Variants in ATP8B4 observed in about 807,000 individuals in gnomAD.
ATP8B4 encodes the protein probable phospholipid-transporting ATPase IM.
Under a neutral mutation model 145.6 loss-of-function variants are expected in ATP8B4, and 133 were observed. The observed-to-expected ratio is 0.91, with a 90% CI of 0.79 to 1.05. The LOEUF (loss-of-function observed/expected upper bound fraction) is 1.05, where lower values mean the gene tolerates loss of function less well. ATP8B4 is among the 50% of genes least tolerant of loss of function. ATP8B4 has a pLI of 0.00. For synonymous variants in ATP8B4, 507 were observed against 492.9 expected, an observed-to-expected ratio of 1.03 and a Z score of -0.38; for missense variants, 1,458 against 1,425.2, an observed-to-expected ratio of 1.02 and a Z score of -0.37.
chr15:50,047,826 T>C (rs1007400135), intron 3 of ATP8B4, among the ~76,000 whole-genome samples: 5 of 152,102 alleles, frequency 3.3e-5, no homozygotes, highest in African/African-American at 1.2e-4. Flanking sequence ...TCAGAAATCA[T>C]CTGGTCCACC....
At chr15:50,062,531 T>C (rs1183945579) in intron 3 of ATP8B4, among the ~76,000 whole-genome samples, 1 of 151,998 alleles carries the variant, frequency 6.6e-6, no homozygotes, top group Non-Finnish European at 1.5e-5. Flanking sequence ...CAAGACAACA[T>C]GGCTGATAAA....
At chr15:49,931,911 C>G (rs2041293278) in intron 15 of ATP8B4, among the ~76,000 whole-genome samples, 1 of 151,464 alleles carries the variant, frequency 6.6e-6, no homozygotes, top group Non-Finnish European at 1.5e-5. Context: ...TACTTGTTAC[C>G]TGATATTATG....
intron 1 of ATP8B4, among the ~76,000 whole-genome samples, chr15:50,109,998 GCTA>G (rs1567379694): frequency 6.6e-6 from 1 of 152,086 alleles, no homozygotes; most frequent in Non-Finnish European, 1.5e-5. Flanking sequence ...CAGCTATGTT[GCTA>G]CTGTTAATTT....
At chr15:50,112,476 C>T (rs1163760254) in intron 1 of ATP8B4, among the ~76,000 whole-genome samples, 2 of 152,102 alleles carry the variant, frequency 1.3e-5, no homozygotes, top group African/African-American at 2.4e-5. Flanking sequence ...CAAGCCCAGA[C>T]TCAATATCTA....
At chr15:49,896,688 T>C (rs775297776) in intron 23 of ATP8B4, 4 of 152,238 alleles carry the variant, frequency 2.6e-5, no homozygotes, top group Admixed American at 2.0e-4. Context: ...AGTTGATTCA[T>C]TGGGTCAAAA....
intron 1 of ATP8B4, among the ~76,000 whole-genome samples, chr15:50,152,034 T>A (rs1457951056): frequency 6.6e-6 from 1 of 152,142 alleles, no homozygotes; most frequent in Non-Finnish European, 1.5e-5. Context: ...TATAATATCA[T>A]GTAATTAATT....
At chr15:49,901,373 A>T in intron 20 of ATP8B4, 134 bp from the exon 21 acceptor site, 1 of 923,278 alleles carries the variant, frequency 1.1e-6, no homozygotes, top group Non-Finnish European at 1.6e-6. Context: ...ACCCAGTTTC[A>T]GTAAGCAAGC....
intron 1 of ATP8B4, among the ~76,000 whole-genome samples, chr15:50,128,753 C>T (rs1024700284): frequency 6.6e-6 from 1 of 152,176 alleles, no homozygotes; most frequent in East Asian, 1.9e-4. Flanking sequence ...TGAAAAAGGA[C>T]AGATCCTTTG....
At chr15:50,126,177 A>G (rs919277834) in intron 1 of ATP8B4, among the ~76,000 whole-genome samples, 3 of 148,626 alleles carry the variant, frequency 2.0e-5, no homozygotes, top group Non-Finnish European at 4.4e-5. Context: ...AGTGAAGCTG[A>G]GTCCTGAAAG....
chr15:50,075,171 T>C (rs923809566), intron 2 of ATP8B4, among the ~76,000 whole-genome samples: 4 of 151,504 alleles, frequency 2.6e-5, no homozygotes, highest in African/African-American at 9.7e-5. Context: ...GACTGGATGG[T>C]GGAAAGTAAC....
At chr15:50,165,973 ACAC>A (rs2044592246) in intron 1 of ATP8B4, among the ~76,000 whole-genome samples, 6 of 50,172 alleles carry the variant, frequency 1.2e-4, no homozygotes, top group African/African-American at 6.4e-4. Flanking sequence ...CCCAGAGAAC[ACAC>A]ACACACACAC....
At chr15:50,019,105 T>A (rs773674407) in intron 6 of ATP8B4, 5 of 491,980 alleles carry the variant, frequency 1.0e-5, no homozygotes, top group Non-Finnish European at 1.5e-5. Context: ...AGGATGACTT[T>A]TTAGGAACAA....
chr15:50,085,252 T>C (rs1313096047), intron 2 of ATP8B4, among the ~76,000 whole-genome samples: 1 of 152,158 alleles, frequency 6.6e-6, no homozygotes, highest in African/African-American at 2.4e-5. Context: ...TAGAAATGTG[T>C]TTGCATAGTC....
At chr15:50,123,415 G>A (rs761099632), upstream of ATP8B4, among the ~76,000 whole-genome samples, 1 of 152,106 alleles carries the variant, frequency 6.6e-6, no homozygotes, top group South Asian at 2.1e-4. Context: ...AAAAATTATG[G>A]CTTAGGAGTC....
chr15:49,910,079 G>A (rs1319216421), intron 20 of ATP8B4, among the ~76,000 whole-genome samples: 1 of 151,666 alleles, frequency 6.6e-6, no homozygotes, highest in Non-Finnish European at 1.5e-5. Flanking sequence ...AGAGAACAAA[G>A]ATAAACAATA....
At chr15:49,983,452 C>T (rs2046326820) in intron 10 of ATP8B4, among the ~76,000 whole-genome samples, 2 of 152,138 alleles carry the variant, frequency 1.3e-5, no homozygotes, top group South Asian at 4.1e-4. Context: ...ACTTTCTAAA[C>T]TTTCTAAAAG....
intron 2 of ATP8B4, among the ~76,000 whole-genome samples, chr15:50,093,145 T>A (rs2055719936): frequency 6.6e-6 from 1 of 151,884 alleles, no homozygotes. Context: ...TAAATACTTT[T>A]TCTAACTGAC....
At chr15:50,100,927 A>T (rs1229593866) in intron 2 of ATP8B4, among the ~76,000 whole-genome samples, 5 of 152,164 alleles carry the variant, frequency 3.3e-5, no homozygotes, top group Non-Finnish European at 1.5e-5. Context: ...ACTAATTAAT[A>T]AAAAAACAAT....
At chr15:50,131,592 A>G (rs987586737) in intron 1 of ATP8B4, among the ~76,000 whole-genome samples, 1 of 152,144 alleles carries the variant, frequency 6.6e-6, no homozygotes, top group African/African-American at 2.4e-5. Flanking sequence ...CTAGAAATAT[A>G]AGCTCTAGTT....
Sources: gnomAD v4.1 joint callset for allele counts (sites outside exome capture counted in the v4.1 genomes callset) on GRCh38, gnomAD v4.1.1 for gene constraint, MANE v1.5 for transcripts, NCBI Gene and HGNC (gene_info 2026-07-23, HGNC 2026-07-21) for gene names.